The following STAG1 variants were observed in gnomAD, a reference collection of about 807,000 sequenced individuals.
STAG1 encodes cohesin subunit SA-1.
Under a neutral mutation model 170.9 loss-of-function variants are expected in STAG1, and 26 were observed. The ratio of observed to expected loss-of-function variants is 0.15; its 90% CI spans 0.11 to 0.21. The LOEUF (loss-of-function observed/expected upper bound fraction) is 0.21. Among genes scored for constraint, STAG1 ranks in the 10% least tolerant of loss-of-function variants. STAG1 has a pLI of 1.00. For missense variants in STAG1, 964 were observed against 1,509.5 expected (o/e 0.64, Z 5.99); for synonymous variants, 514 against 497.7 (o/e 1.03, Z -0.44).
At chr3:136,702,135 G>GAGAC (rs1293535635) in intron 1 of STAG1, among the ~76,000 whole-genome samples, 1 of 99,052 alleles carries the variant, frequency 1.0e-5, no homozygotes, top group Admixed American at 8.7e-5. Flanking sequence ...GAGAGACAGA[G>GAGAC]AGACAGAGAG....
chr3:136,743,506 A>C (rs1934785188), intron 1 of STAG1, among the ~76,000 whole-genome samples: 1 of 152,174 alleles, frequency 6.6e-6, no homozygotes, highest in Non-Finnish European at 1.5e-5. Flanking sequence ...AATTTCCCTA[A>C]ACTGATACAA....
intron 9 of STAG1, among the ~76,000 whole-genome samples, chr3:136,480,753 C>G (rs1286770246): frequency 1.4e-5 from 1 of 71,946 alleles, no homozygotes; most frequent in Non-Finnish European, 3.1e-5. Flanking sequence ...CTGTTATTTC[C>G]TTGAGCAGTG....
chr3:136,612,046 A>G (rs1474853054), intron 3 of STAG1, among the ~76,000 whole-genome samples: 1 of 151,214 alleles, frequency 6.6e-6, no homozygotes, highest in African/African-American at 2.4e-5. Flanking sequence ...ACTGGGTTTC[A>G]CTGTGTTACC....
chr3:136,515,060 T>C (rs1934285370), intron 7 of STAG1, among the ~76,000 whole-genome samples: 1 of 151,744 alleles, frequency 6.6e-6, no homozygotes, highest in Non-Finnish European at 1.5e-5. Context: ...TAAAGTATAA[T>C]TAAAAAAAAA....
At chr3:136,457,244 C>T (rs552839936) in intron 13 of STAG1, among the ~76,000 whole-genome samples, 1 of 152,092 alleles carries the variant, frequency 6.6e-6, no homozygotes, top group African/African-American at 2.4e-5. Context: ...GAATCCAAGG[C>T]TCAGAGCATA....
chr3:136,613,078 G>A (rs964580968), intron 3 of STAG1, among the ~76,000 whole-genome samples: 3 of 151,878 alleles, frequency 2.0e-5, no homozygotes, highest in East Asian at 1.9e-4. Flanking sequence ...CGAGGTGGGC[G>A]GATCACGAGG....
intron 1 of STAG1, among the ~76,000 whole-genome samples, chr3:136,699,789 T>C (rs1942997937): frequency 6.6e-6 from 1 of 152,088 alleles, no homozygotes; most frequent in Non-Finnish European, 1.5e-5. Context: ...ATGTAATATA[T>C]AATCCAAATC....
At chr3:136,419,201 T>C (rs1011553654) in intron 20 of STAG1, among the ~76,000 whole-genome samples, 2 of 151,514 alleles carry the variant, frequency 1.3e-5, no homozygotes, top group African/African-American at 4.8e-5. Flanking sequence ...TGTTTTCAAA[T>C]GACAGTTTTT....
At chr3:136,372,866 A>G (rs1309909610) in intron 23 of STAG1, among the ~76,000 whole-genome samples, 2 of 152,178 alleles carry the variant, frequency 1.3e-5, no homozygotes, top group African/African-American at 2.4e-5. Context: ...GCCTCATAAA[A>G]TGAGTTAGGG....
At chr3:136,532,514 G>C (rs1935425305) in intron 6 of STAG1, among the ~76,000 whole-genome samples, 1 of 152,018 alleles carries the variant, frequency 6.6e-6, no homozygotes, top group African/African-American at 2.4e-5. Context: ...GGCTTTTCTT[G>C]GGTGGGAGAC....
At chr3:136,531,325 G>C (rs1404111962) in intron 6 of STAG1, among the ~76,000 whole-genome samples, 10 of 150,336 alleles carry the variant, frequency 6.7e-5, no homozygotes, top group Admixed American at 1.3e-4. Context: ...CTGTAAACTA[G>C]TTCAACCATT....
At chr3:136,613,324 A>AAAAAAAAAAAAAAAAAG in intron 3 of STAG1, among the ~76,000 whole-genome samples, 1 of 150,526 alleles carries the variant, frequency 6.6e-6, no homozygotes, top group Non-Finnish European at 1.5e-5. Context: ...AAAAAAAAAA[A>AAAAAAAAAAAAAAAAAG]AAAAAAAAAA....
intron 1 of STAG1, among the ~76,000 whole-genome samples, chr3:136,699,404 T>A (rs557816499): frequency 6.6e-6 from 1 of 152,294 alleles, no homozygotes; most frequent in Admixed American, 6.5e-5. Flanking sequence ...TCTTTTCTTT[T>A]TTTAAAGACA....
At chr3:136,566,933 T>C (rs1257597954) in intron 5 of STAG1, among the ~76,000 whole-genome samples, 1 of 152,068 alleles carries the variant, frequency 6.6e-6, no homozygotes, top group African/African-American at 2.4e-5. Flanking sequence ...AGGAGAAAGG[T>C]CTCTATACAC....
At chr3:136,363,671 G>A (rs1936964508) in intron 25 of STAG1, among the ~76,000 whole-genome samples, 1 of 152,072 alleles carries the variant, frequency 6.6e-6, no homozygotes, top group Non-Finnish European at 1.5e-5. Flanking sequence ...TTACAGGAAT[G>A]CACATTTGAT....
chr3:136,353,209 G>GA (rs1248926936), intron 28 of STAG1, among the ~76,000 whole-genome samples: 5 of 152,324 alleles, frequency 3.3e-5, no homozygotes, highest in Non-Finnish European at 7.4e-5. Context: ...AACAGAGCAT[G>GA]AGAGAAGTAT....
At chr3:136,741,128 A>G (rs1367886881) in intron 1 of STAG1, among the ~76,000 whole-genome samples, 11 of 152,210 alleles carry the variant, frequency 7.2e-5, no homozygotes, top group Admixed American at 7.2e-4. Context: ...CCCAGAGCAA[A>G]AAGCGTATTT....
At chr3:136,374,300 A>G (rs964931819) in intron 23 of STAG1, among the ~76,000 whole-genome samples, 2 of 142,126 alleles carry the variant, frequency 1.4e-5, no homozygotes, top group African/African-American at 5.2e-5. Context: ...AATAGAAAAA[A>G]GCTTCTAGAA....
intron 18 of STAG1, 24 bp from the exon 19 acceptor site, chr3:136,422,637 C>T: frequency 1.3e-6 from 2 of 1,597,254 alleles, no homozygotes; most frequent in Non-Finnish European, 1.7e-6. Context: ...AAAAGAAAAA[C>T]TGTAATATTT....
Sources: allele counts gnomAD v4.1 joint callset (sites outside exome capture counted in the v4.1 genomes callset), GRCh38; gene constraint gnomAD v4.1.1; transcripts MANE v1.5; gene names NCBI Gene and HGNC (gene_info 2026-07-23, HGNC 2026-07-21).